Variants in FGD3 observed in about 807,000 individuals in gnomAD.
The protein encoded by FGD3 is FYVE, RhoGEF and PH domain-containing protein 3.
FGD3 carries 45 observed loss-of-function variants against 71.8 expected under a neutral mutation model. The ratio of observed to expected loss-of-function variants is 0.63; its 90% CI spans 0.49 to 0.80. The LOEUF (loss-of-function observed/expected upper bound fraction) is 0.80, where lower values mean the gene tolerates loss of function less well. Among genes scored for constraint, FGD3 ranks in the 30% least tolerant of loss-of-function variants. The pLI is 0.00. For missense variants in FGD3, 844 were observed against 951.5 expected (o/e 0.89, Z 1.49); for synonymous variants, 378 against 392.8 (o/e 0.96, Z 0.44).
chr9:92,950,182 C>G (rs1046001392), intron 1 of FGD3, among the ~76,000 whole-genome samples: 13 of 152,070 alleles, frequency 8.5e-5, no homozygotes, highest in Non-Finnish European at 1.8e-4. Flanking sequence ...CTTTGGGAGG[C>G]TGAGGCAGGT....
intron 13 of FGD3, among the ~76,000 whole-genome samples, chr9:93,021,521 G>A (rs77579133): frequency 0.011 from 1,661 of 152,248 alleles, 36 homozygotes; most frequent in African/African-American, 0.038. Flanking sequence ...TGGAAGTGTA[G>A]CAAGGACATA....
intron 5 of FGD3, 29 bp downstream of exon 5, chr9:93,004,166 G>A (rs755336390): frequency 9.9e-6 from 16 of 1,610,980 alleles, no homozygotes; most frequent in Middle Eastern, 1.6e-4. Context: ...TGCCCATGGG[G>A]CCCCTCAAGT....
intron 3 of FGD3, among the ~76,000 whole-genome samples, chr9:92,978,483 T>TCC (rs1275734374): frequency 7.3e-6 from 1 of 136,458 alleles, no homozygotes; most frequent in Non-Finnish European, 1.5e-5. Context: ...TGATTAACTT[T>TCC]CTTTCAATGA....
intron 1 of FGD3, among the ~76,000 whole-genome samples, chr9:92,949,236 C>T (rs1858909911): frequency 6.6e-6 from 1 of 152,194 alleles, no homozygotes; most frequent in African/African-American, 2.4e-5. Context: ...GGAAGGAAAT[C>T]TGGCCTCATC....
chr9:92,971,291 C>T (rs111838922), intron 1 of FGD3, among the ~76,000 whole-genome samples: 1,542 of 152,150 alleles, frequency 0.01, 26 homozygotes, highest in African/African-American at 0.035. Flanking sequence ...GGTTCATCTG[C>T]TCTTGGACAA....
At chr9:92,951,533 A>G (rs968674065) in intron 1 of FGD3, among the ~76,000 whole-genome samples, 3 of 152,182 alleles carry the variant, frequency 2.0e-5, no homozygotes, top group African/African-American at 7.2e-5. Flanking sequence ...CAAATAAGCC[A>G]GGTGTGGTGG....
At chr9:92,973,349 A>T (rs1859607378) in intron 1 of FGD3, among the ~76,000 whole-genome samples, 1 of 152,030 alleles carries the variant, frequency 6.6e-6, no homozygotes, top group South Asian at 2.1e-4. Context: ...TCCTGCCCTC[A>T]AGTGATCCAT....
At chr9:92,968,774 G>GT (rs1343162933) in intron 1 of FGD3, among the ~76,000 whole-genome samples, 1 of 151,896 alleles carries the variant, frequency 6.6e-6, no homozygotes, top group Non-Finnish European at 1.5e-5. Context: ...GCTAATTTTT[G>GT]TATTTTTAGT....
At chr9:92,952,712 T>G (rs1229270805) in intron 1 of FGD3, among the ~76,000 whole-genome samples, 5 of 151,588 alleles carry the variant, frequency 3.3e-5, no homozygotes, top group Non-Finnish European at 7.4e-5. Flanking sequence ...TCTCTTTCCT[T>G]CTTTCTCTCC....
At chr9:93,004,284 A>C (rs1587845409) in intron 5 of FGD3, 147 bp downstream of exon 5, 2 of 990,086 alleles carry the variant, frequency 2.0e-6, no homozygotes, top group East Asian at 2.5e-5. Flanking sequence ...TCCGATCCAG[A>C]CTCCACCCCT....
At chr9:93,033,604 T>TC (rs1587877291) in intron 16 of FGD3, 1 of 154,432 alleles carries the variant, frequency 6.5e-6, no homozygotes, top group Non-Finnish European at 1.4e-5. Context: ...TACAGTCTAT[T>TC]CTGGGGGGTT....
At chr9:92,968,519 G>C (rs1280806594) in intron 1 of FGD3, among the ~76,000 whole-genome samples, 2 of 151,334 alleles carry the variant, frequency 1.3e-5, no homozygotes, top group African/African-American at 2.5e-5. Context: ...CCCAGGCTGA[G>C]ACCCCAAGGT....
chr9:92,995,100 C>T lies in FGD3; in HGVS notation c.454-7825C>T, dbSNP rs186866572. 1.6e-3 allele frequency among the ~76,000 whole-genome samples: 245 copies of T among 152,288 alleles called. 1 individual carries two copies. Among genetic ancestry groups the T allele is most frequent in the African/African-American group, 5.6e-3 (233 of 41,568 alleles). On this transcript the variant is annotated intron_variant, in intron 3 of 17. Coordinates refer to ENST00000375482, the MANE Select transcript of FGD3 (RefSeq NM_001083536.2). ...TTTTCACAATATTGATTCTTCCTAT[C>T]CATGAACATGGAATGTTCTTCCATT...
intron 15 of FGD3, among the ~76,000 whole-genome samples, chr9:93,032,036 C>T (rs895290861): frequency 2.0e-5 from 3 of 152,188 alleles, no homozygotes; most frequent in Admixed American, 1.3e-4. Flanking sequence ...TTCCCATGCT[C>T]CACCCATGCA....
At chr9:92,970,841 T>A (rs1030482224) in intron 1 of FGD3, among the ~76,000 whole-genome samples, 1 of 152,262 alleles carries the variant, frequency 6.6e-6, no homozygotes, top group Non-Finnish European at 1.5e-5. Flanking sequence ...GGCCAGGCAG[T>A]GGCCACACCA....
At chr9:92,955,484 T>C (rs1564139078) in intron 1 of FGD3, among the ~76,000 whole-genome samples, 3 of 152,066 alleles carry the variant, frequency 2.0e-5, no homozygotes, top group South Asian at 4.1e-4. Context: ...AAAATAAAAA[T>C]AAAAATAAAT....
At chr9:93,025,430 G>A (rs888332602) in intron 14 of FGD3, among the ~76,000 whole-genome samples, 1 of 152,230 alleles carries the variant, frequency 6.6e-6, no homozygotes, top group African/African-American at 2.4e-5. Context: ...GTTGAGACTA[G>A]GGTAGGAGCT....
intron 1 of FGD3, chr9:92,974,450 T>A (rs921935111): frequency 6.6e-6 from 1 of 152,268 alleles, no homozygotes; most frequent in Non-Finnish European, 1.5e-5. Context: ...TAAAGAAACG[T>A]CCACTCAAAA....
At chr9:92,955,422 G>A (rs558859464) in intron 1 of FGD3, among the ~76,000 whole-genome samples, 4 of 152,072 alleles carry the variant, frequency 2.6e-5, no homozygotes, top group Non-Finnish European at 5.9e-5. Context: ...TGTAATCCCA[G>A]CTACCCGGGA....
Sources: allele counts gnomAD v4.1 joint callset (sites outside exome capture counted in the v4.1 genomes callset), GRCh38; gene constraint gnomAD v4.1.1; transcripts MANE v1.5; gene names NCBI Gene and HGNC (gene_info 2026-07-23, HGNC 2026-07-21).